Variants in CGNL1 observed in about 807,000 individuals in gnomAD.
The protein encoded by CGNL1 is cingulin-like protein 1.
CGNL1 carries 132 observed loss-of-function variants against 141.2 expected under a neutral mutation model. That is an observed-to-expected ratio of 0.93 (90% CI 0.81 to 1.08). The LOEUF is 1.08. CGNL1 is among the 50% of genes least tolerant of loss of function. The probability of loss-of-function intolerance (pLI) is 0.00; values close to 1 mark genes in which losing one functional copy is unlikely to be tolerated. For missense variants in CGNL1, 1,870 were observed against 1,588.6 expected, an observed-to-expected ratio of 1.18 and a Z score of -3.01; for synonymous variants, 690 against 622.1, an observed-to-expected ratio of 1.11 and a Z score of -1.63.
Position 57,510,133 on chromosome 15 carries a change from CGATTT to C in CGNL1, c.2404-6645_2404-6641del, listed in dbSNP as rs550308058. On this transcript the variant is annotated intron_variant, in intron 8 of 18. Coordinates refer to ENST00000281282, the MANE Select transcript of CGNL1 (RefSeq NM_032866.5). Reference sequence around the variant, plus strand: ...GGTAGTGGCCTGAAGCCAAGTGTGACGATTTGGAACCACAGCCGGTAAGCTGTGTG... The same window carrying C: ...GGTAGTGGCCTGAAGCCAAGTGTGACGGAACCACAGCCGGTAAGCTGTGTG... Among the ~76,000 whole-genome samples, 980 of 152,194 alleles carry C rather than the reference CGATTT, an allele frequency of 6.4e-3. 10 individuals carry two copies. The highest frequency in any genetic ancestry group is 0.022 in the African/African-American group (921 of 41,514).
intron 4 of CGNL1, among the ~76,000 whole-genome samples, chr15:57,447,788 T>C (rs2063272783): frequency 6.7e-6 from 1 of 149,720 alleles, no homozygotes; most frequent in East Asian, 2.0e-4. Flanking sequence ...TCTCTTGTGC[T>C]CTATTCTCTC....
chr15:57,543,811 C>CA (rs761554343), intron 15 of CGNL1, 32 bp downstream of exon 15: 1 of 1,526,456 alleles, frequency 6.6e-7, no homozygotes, highest in South Asian at 1.1e-5. Flanking sequence ...GCTGCCCCCC[C>CA]GTCCATCCGC....
At position 57,438,091 on chromosome 15, in the gene CGNL1, G is replaced by T; in HGVS notation, c.92G>T (p.Ser31Ile). The T allele has an allele frequency of 6.2e-7, 1 of 1,614,146 alleles. No homozygotes were observed. Among genetic ancestry groups the T allele is most frequent in the Non-Finnish European group, 8.5e-7 (1 of 1,180,024 alleles). ...AGTGATGATACCCAAAAATCAAGGA[G>T]TTCCCAGAACTCCAAGGCAGGCTCC... Reference protein sequence around the residue: ...LASDDTQKSRSSQNSKAGSYG... With the variant: ...LASDDTQKSRISQNSKAGSYG... The change falls in exon 2 of 19, where the codon AGT (serine) becomes ATT (isoleucine). Residue 31 changes from serine to isoleucine, a missense_variant. Ser to Ile is a moderately radical substitution (Grantham distance 142). Transcript: ENST00000281282.
At chr15:57,442,608 T>C in intron 4 of CGNL1, 130 bp downstream of exon 4, 1 of 560,708 alleles carries the variant, frequency 1.8e-6, no homozygotes, top group Non-Finnish European at 3.2e-6. Context: ...AGGAGTACTC[T>C]TCATGTTTTA....
chr15:57,497,660 T>C (rs749402509), intron 8 of CGNL1, among the ~76,000 whole-genome samples: 5 of 152,134 alleles, frequency 3.3e-5, no homozygotes, highest in Non-Finnish European at 5.9e-5. Flanking sequence ...ATGCAGCAGT[T>C]CCACAGGAAT....
rs114576690 is a variant in CGNL1, at chr15:57,542,203, G to A, written c.3292-1493G>A. On this transcript the variant is annotated intron_variant, in intron 14 of 18. Transcript: ENST00000281282. ...ACTCACTGGGGTGCTTGTACAGGTGGCGAAATTCAACTTGAGGCCAGGCCA... is the reference window on the plus strand; with the variant it reads ...ACTCACTGGGGTGCTTGTACAGGTGACGAAATTCAACTTGAGGCCAGGCCA... Among the ~76,000 whole-genome samples, 402 of 152,328 alleles carry A rather than the reference G, an allele frequency of 2.6e-3. 2 individuals are homozygous for A. The highest frequency in any genetic ancestry group is 9.4e-3 in the African/African-American group (389 of 41,574).
chr15:57,520,899 T>C (rs1374773318), intron 10 of CGNL1, among the ~76,000 whole-genome samples: 1 of 152,196 alleles, frequency 6.6e-6, no homozygotes, highest in Non-Finnish European at 1.5e-5. Context: ...GCAACTTGTT[T>C]GTCATTAATA....
intron 8 of CGNL1, among the ~76,000 whole-genome samples, chr15:57,477,099 G>A (rs2063665971): frequency 6.6e-6 from 1 of 152,152 alleles, no homozygotes; most frequent in African/African-American, 2.4e-5. Flanking sequence ...CAGTCTCTGG[G>A]TTTAGGGAAA....
Position 57,516,145 on chromosome 15 carries a change from C to T in CGNL1, c.2404-635C>T, listed in dbSNP as rs1429500157. ...CTGCACTCCAGCCTGGGGGACAGAG[C>T]GAGACTCTGTCTCAAAAAAAAAAAA... is the stretch of plus-strand genomic sequence containing the variant. On this transcript the variant is annotated intron_variant, in intron 8 of 18. Transcript: ENST00000281282. Among the ~76,000 whole-genome samples the T allele has an allele frequency of 8.7e-5, 10 of 115,240 alleles. No individual in the cohort carries two copies. In the Admixed American group the frequency reaches 8.7e-4, roughly 10 times the overall value. 75.6% of individuals were successfully genotyped at this position (115,240 alleles called of 152,430 possible). A position where few individuals can be genotyped will look rare whatever the true frequency, so the allele number is the denominator to read the frequency against.
intron 1 of CGNL1, among the ~76,000 whole-genome samples, chr15:57,408,697 CA>C (rs1395740084): frequency 1.3e-5 from 2 of 152,048 alleles, no homozygotes; most frequent in African/African-American, 4.8e-5. Context: ...TGTCAATGAG[CA>C]TAGGGGTTCG....
Position 57,457,705 on chromosome 15 carries a change from A to C in CGNL1, c.2190+3887A>C, listed in dbSNP as rs145206471. 3.1e-3 allele frequency among the ~76,000 whole-genome samples: 478 copies of C among 152,318 alleles called. 6 individuals are homozygous for C. Among genetic ancestry groups the C allele is most frequent in the African/African-American group, 0.011 (441 of 41,574 alleles). On this transcript the variant is annotated intron_variant, in intron 7 of 18. Coordinates refer to ENST00000281282, the MANE Select transcript of CGNL1 (RefSeq NM_032866.5). ...GACAGGGGTTTCCGCTTATAAAATC[A>C]TCAGATCTCCTGAGACTTACTCACT...
At chr15:57,518,589 C>A in intron 10 of CGNL1, 92 bp downstream of exon 10, 1 of 843,690 alleles carries the variant, frequency 1.2e-6, no homozygotes. Context: ...CCTTGGCCCT[C>A]TCTTTCCATG....
intron 4 of CGNL1, among the ~76,000 whole-genome samples, chr15:57,445,011 C>A (rs867874139): frequency 6.6e-6 from 1 of 152,130 alleles, no homozygotes; most frequent in East Asian, 1.9e-4. Flanking sequence ...CCTGTAACCC[C>A]GGCACTTTGG....
intron 8 of CGNL1, among the ~76,000 whole-genome samples, chr15:57,486,829 C>G (rs1283619946): frequency 2.0e-5 from 3 of 152,162 alleles, no homozygotes; most frequent in African/African-American, 7.2e-5. Flanking sequence ...TTTGGTTGGG[C>G]CCAACAGCTG....
intron 3 of CGNL1, among the ~76,000 whole-genome samples, chr15:57,441,966 A>C (rs1200036102): frequency 1.3e-5 from 2 of 152,152 alleles, no homozygotes; most frequent in African/African-American, 4.8e-5. Context: ...TCAGATGTAC[A>C]GCATGTTTGT....
chr15:57,547,481 C>T lies in CGNL1; in HGVS notation c.3900C>T (p.Ser1300=). The T allele has an allele frequency of 1.2e-6, 2 of 1,613,870 alleles. No homozygotes were observed. Among genetic ancestry groups the T allele is most frequent in the East Asian group, 2.2e-5 (1 of 44,882 alleles). The part of the protein sequence containing the change: ...YTFSKDSTVA[S]QI ...TCTCCAAGGACAGCACCGTCGCCAGCCAGATCTGAGTGCTCTCCCGGGCTG... is the reference window on the plus strand; with the variant it reads ...TCTCCAAGGACAGCACCGTCGCCAGTCAGATCTGAGTGCTCTCCCGGGCTG... The change falls in exon 19 of 19, where the codon AGC becomes AGT. Residue 1300 remains serine, a synonymous_variant. Transcript: ENST00000281282.
chr15:57,532,555 G>A (rs1328176968), intron 14 of CGNL1, among the ~76,000 whole-genome samples: 1 of 152,188 alleles, frequency 6.6e-6, no homozygotes, highest in Non-Finnish European at 1.5e-5. Flanking sequence ...TATAACACGA[G>A]CATAACTCTC....
rs554356277 is a variant in CGNL1 at position 57,413,771 on chromosome 15, A to G, written c.-15-24214A>G. On this transcript the variant is annotated intron_variant, in intron 1 of 18. Transcript: ENST00000281282. ...ATCCCTTTTGACCTTTTTGACAACA[A>G]TGTTGCTGGGTAGATTTTTGTGGGA... 1.1e-4 allele frequency among the ~76,000 whole-genome samples: 17 copies of G among 152,334 alleles called. No individual in the cohort carries two copies. The South Asian group carries it at 2.7e-3, about 24-fold the overall frequency.
At chr15:57,532,910 A>G (rs766944963) in intron 14 of CGNL1, among the ~76,000 whole-genome samples, 11 of 152,084 alleles carry the variant, frequency 7.2e-5, no homozygotes, top group Middle Eastern at 3.2e-3. Flanking sequence ...TCTTTTTCAA[A>G]TCTTCCCTAT....
Sources: allele counts gnomAD v4.1 joint callset (sites outside exome capture counted in the v4.1 genomes callset), GRCh38; gene constraint gnomAD v4.1.1; transcripts MANE v1.5; gene names NCBI Gene and HGNC (gene_info 2026-07-23, HGNC 2026-07-21).